TECPR1: variants seen among roughly 807,000 people sequenced by gnomAD.
TECPR1 encodes tectonin beta-propeller repeat containing 1.
Under a neutral mutation model 162.4 loss-of-function variants are expected in TECPR1, and 122 were observed. The ratio of observed to expected loss-of-function variants is 0.75; its 90% CI spans 0.65 to 0.87. The LOEUF is 0.87. Among genes scored for constraint, TECPR1 ranks in the 40% least tolerant of loss-of-function variants. The pLI is 0.00. For synonymous variants in TECPR1, 642 were observed against 670.6 expected (o/e 0.96, Z 0.66); for missense variants, 1,432 against 1,618.2 (o/e 0.88, Z 1.97).
At position 98,221,696 on chromosome 7, in the gene TECPR1, G is replaced by T. The variant is rs774839041; in HGVS notation, c.3122C>A (p.Ala1041Glu). 4 of 1,613,494 alleles carry T rather than the reference G, an allele frequency of 2.5e-6. No individual in the cohort carries two copies. The highest frequency in any genetic ancestry group is 3.4e-6 in the Non-Finnish European group (4 of 1,179,838). ...PPRQRLKQVS[A>E]GQTSVYALDE... ...CAGGGCATACACCGACGTCTGCCCC[G>T]CGGACACCTGCTTCAGCCTCTGTCT... Residue 1041 changes from alanine to glutamate, a missense_variant, in exon 23 of 26, where the codon GCG becomes GAG. Coordinates refer to ENST00000447648, the MANE Select transcript of TECPR1 (RefSeq NM_015395.3).
chr7:98,239,512 G>C (rs563067467), intron 8 of TECPR1, among the ~76,000 whole-genome samples: 88 of 152,270 alleles, frequency 5.8e-4, no homozygotes, highest in Non-Finnish European at 1.1e-3. Flanking sequence ...CTGAGATCGG[G>C]CCACGGCATT....
intron 20 of TECPR1, 60 bp from the exon 21 acceptor site, chr7:98,223,230 C>T: frequency 6.8e-7 from 1 of 1,470,532 alleles, no homozygotes; most frequent in Non-Finnish European, 9.2e-7. Context: ...GGCTCCAGGG[C>T]CTCTGCCTCT....
chr7:98,247,743 GA>G (rs1455833477), intron 2 of TECPR1, among the ~76,000 whole-genome samples: 3 of 151,676 alleles, frequency 2.0e-5, no homozygotes, highest in Admixed American at 1.3e-4. Flanking sequence ...TATTTTTTAA[GA>G]GAGTATCTTG....
chr7:98,248,533 CAAAAAAAAAAAAAA>C (rs60387349), intron 2 of TECPR1, among the ~76,000 whole-genome samples: 3 of 9,610 alleles, frequency 3.1e-4, no homozygotes, highest in Non-Finnish European at 5.7e-4. Context: ...CTGCCACCGG[CAAAAAAAAAAAAAA>C]AAAAAAAAAA....
chr7:98,233,997 T>C (rs1362957509), intron 10 of TECPR1, 86 bp from the exon 11 acceptor site: 11 of 1,442,858 alleles, frequency 7.6e-6, no homozygotes, highest in East Asian at 2.5e-5. Context: ...TGCTCCACCA[T>C]GACTGCCTGT....
chr7:98,233,559 G>A lies in TECPR1; in HGVS notation c.1534C>T (p.Leu512Phe). ...SAAGFPETTSLSSLGLLPLGL... is the reference protein window; with the variant it reads ...SAAGFPETTSFSSLGLLPLGL... ...AGTGGGAGGAGCCCCAGAGAGGAGAGGCTGGTGGTCTCGGGGAAGCCAGCG... is the reference window on the plus strand; with the variant it reads ...AGTGGGAGGAGCCCCAGAGAGGAGAAGCTGGTGGTCTCGGGGAAGCCAGCG... Residue 512 changes from leucine (L) to phenylalanine (F), a missense_variant, in exon 11 of 26, where the codon CTC becomes TTC. Leu to Phe is a conservative substitution (Grantham distance 22, BLOSUM62 0). Coordinates refer to ENST00000447648, the MANE Select transcript of TECPR1 (RefSeq NM_015395.3). 1 of 1,596,790 alleles carries A rather than the reference G, an allele frequency of 6.3e-7. No individual in the cohort carries two copies. The highest frequency in any genetic ancestry group is 8.5e-7 in the Non-Finnish European group (1 of 1,173,266).
chr7:98,240,328 G>C (rs1187848728), intron 8 of TECPR1, among the ~76,000 whole-genome samples: 1 of 152,172 alleles, frequency 6.6e-6, no homozygotes, highest in East Asian at 1.9e-4. Context: ...CGTGTGGGTG[G>C]AAGAGGATTT....
At chr7:98,224,671 GGGGTCT>G in intron 19 of TECPR1, 124 bp downstream of exon 19, 1 of 875,164 alleles carries the variant, frequency 1.1e-6, no homozygotes. Flanking sequence ...GCTGGCACCA[GGGGTCT>G]GCTCCTTGGC....
At chr7:98,236,945 G>C (rs558636025) in intron 9 of TECPR1, 24 bp from the exon 10 acceptor site, 1 of 1,513,298 alleles carries the variant, frequency 6.6e-7, no homozygotes, top group Non-Finnish European at 8.9e-7. Flanking sequence ...GCTGTGTTCC[G>C]AGGAATCTGG....
Position 98,245,964 on chromosome 7 carries a change from G to A in TECPR1, c.183C>T (p.Ser61=), listed in dbSNP as rs368496546. 9.6e-5 allele frequency: 155 copies of A among 1,606,570 alleles called. No homozygotes were observed. The African/African-American group carries it at 1.6e-3, about 17-fold the overall frequency. ...DNQVYVYVCA[S]DVPIRRREEA... ...CCTCTCGGCGGCGGATGGGGACATCGCTGGCACACACATACACGTAGACCT... is the reference window on the plus strand; with the variant it reads ...CCTCTCGGCGGCGGATGGGGACATCACTGGCACACACATACACGTAGACCT... Residue 61 remains serine, a synonymous_variant, in exon 3 of 26, where the codon AGC becomes AGT. Transcript: ENST00000447648.
intron 20 of TECPR1, among the ~76,000 whole-genome samples, chr7:98,223,375 G>A (rs1798192634): frequency 9.3e-6 from 1 of 107,140 alleles, no homozygotes. Flanking sequence ...GCCAGGCCCC[G>A]TTCTCTGTCC....
chr7:98,218,004 G>C lies in TECPR1; in HGVS notation c.3196C>G (p.Pro1066Ala), dbSNP rs780778151. Residue 1066 changes from proline (P) to alanine (A), a missense_variant, in exon 24 of 26, where the codon CCG becomes GCG. Transcript: ENST00000447648. ...ACGTGCTCCCAGCTGGAGCCCTGCG[G>C]GTAGCTGGGCGTGATCCCTTGGCGA... ...WYRQGITPSY[P>A]QGSSWEHVSN... is the part of the protein sequence containing the mutation. 2 of 1,568,000 alleles carry C rather than the reference G, an allele frequency of 1.3e-6. No individual in the cohort carries two copies. The highest frequency in any genetic ancestry group is 1.7e-6 in the Non-Finnish European group (2 of 1,156,876).
At chr7:98,225,224 G>A in intron 17 of TECPR1, 122 bp from the exon 18 acceptor site, 1 of 892,636 alleles carries the variant, frequency 1.1e-6, no homozygotes, top group Non-Finnish European at 1.8e-6. Context: ...GCCACCTCCA[G>A]GCACTCGCAC....
In TECPR1 at chr7:98,241,347, G is replaced by A. The variant is rs573861647; in HGVS notation, c.658-103C>T. On this transcript the variant is annotated intron_variant, in intron 6 of 25. Transcript: ENST00000447648. The surrounding 1 kb of genome is among the most constrained non-coding windows in gnomAD (Gnocchi z 5.0). ...GGGGTAGGACCCATGTCCCCTGACCGTCCAGATCTCACTCCCTGCCCCCTA... is the reference window on the plus strand; with the variant it reads ...GGGGTAGGACCCATGTCCCCTGACCATCCAGATCTCACTCCCTGCCCCCTA... 296 of 1,415,202 alleles carry A rather than the reference G, an allele frequency of 2.1e-4. No individual in the cohort carries two copies. Among genetic ancestry groups the A allele is most frequent in the Admixed American group, 5.3e-4 (26 of 49,176 alleles). 87.7% of individuals were successfully genotyped at this position (1,415,202 alleles called of 1,614,324 possible). A position where few individuals can be genotyped will look rare whatever the true frequency, so the allele number is the denominator to read the frequency against.
At chr7:98,243,636 G>A (rs1346692948) in intron 5 of TECPR1, 44 bp from the exon 6 acceptor site, 1 of 1,590,868 alleles carries the variant, frequency 6.3e-7, no homozygotes, top group Admixed American at 1.7e-5. Flanking sequence ...GCGCCCAGTG[G>A]GCACCTGGGC....
At position 98,231,290 on chromosome 7, in the gene TECPR1, A is replaced by C. The variant is rs1798428495; in HGVS notation, c.2058T>G (p.Pro686=). ...ETKHSFALYT[P]ERTRQRWPVR... Reference sequence around the variant, plus strand: ...CCGGCCACCTCTGCCGTGTCCGCTCAGGGGTGTACAGGGCAAAGGAGTGCT... The same window carrying C: ...CCGGCCACCTCTGCCGTGTCCGCTCCGGGGTGTACAGGGCAAAGGAGTGCT... The change falls in exon 14 of 26, where the codon CCT becomes CCG. Residue 686 remains proline (P), a synonymous_variant. Transcript: ENST00000447648. 1 of 1,612,842 alleles carries C rather than the reference A, an allele frequency of 6.2e-7. No individual in the cohort carries two copies. Among genetic ancestry groups the C allele is most frequent in the Non-Finnish European group, 8.5e-7 (1 of 1,179,556 alleles).
chr7:98,233,361 C>A, intron 11 of TECPR1, 60 bp downstream of exon 11: 1 of 1,405,382 alleles, frequency 7.1e-7, no homozygotes, highest in East Asian at 2.7e-5. Context: ...TCCTCCCACA[C>A]CCCACACCCC....
chr7:98,245,173 C>G (rs1798873769), intron 3 of TECPR1, 106 bp from the exon 4 acceptor site: 6 of 1,236,868 alleles, frequency 4.9e-6, no homozygotes, highest in Admixed American at 2.1e-5. Flanking sequence ...AGCCGACCCC[C>G]TCATTGATCT....
chr7:98,222,817 C>A, intron 21 of TECPR1, 173 bp downstream of exon 21: 1 of 923,546 alleles, frequency 1.1e-6, no homozygotes, highest in Non-Finnish European at 1.7e-6. Context: ...CTCTGTCACC[C>A]CCGCCCCACC....
Sources: gnomAD v4.1 joint callset for allele counts (sites outside exome capture counted in the v4.1 genomes callset) on GRCh38, gnomAD v4.1.1 for gene constraint, Gnocchi (gnomAD v3.1) non-coding constraint, MANE v1.5 for transcripts, NCBI Gene and HGNC (gene_info 2026-07-23, HGNC 2026-07-21) for gene names.